R3HCC1L: variants seen among roughly 807,000 people sequenced by gnomAD.
R3HCC1L encodes the protein coiled-coil domain-containing protein R3HCC1L.
A neutral mutation model predicts 59.9 loss-of-function variants in R3HCC1L; 51 were observed. The ratio of observed to expected loss-of-function variants is 0.85; its 90% CI spans 0.68 to 1.07. R3HCC1L has a LOEUF of 1.07. R3HCC1L is among the 50% of genes least tolerant of loss of function. R3HCC1L has a pLI of 0.00. For missense variants in R3HCC1L, 965 were observed against 933.0 expected, an observed-to-expected ratio of 1.03 and a Z score of -0.45; for synonymous variants, 322 against 315.2, an observed-to-expected ratio of 1.02 and a Z score of -0.23.
chr10:98,140,861 T>TA (rs1345590666), intron 1 of R3HCC1L, among the ~76,000 whole-genome samples: 3 of 152,104 alleles, frequency 2.0e-5, no homozygotes, highest in Admixed American at 6.5e-5. Flanking sequence ...AACACATTTT[T>TA]AAAAAAATTA....
chr10:98,195,636 G>A (rs372936900), intron 4 of R3HCC1L, among the ~76,000 whole-genome samples: 1 of 151,766 alleles, frequency 6.6e-6, no homozygotes, highest in Non-Finnish European at 1.5e-5. Context: ...TTTCCTAAAA[G>A]TAGATTGTAC....
intron 4 of R3HCC1L, among the ~76,000 whole-genome samples, chr10:98,193,990 A>G (rs1248273960): frequency 1.3e-5 from 2 of 152,148 alleles, no homozygotes; most frequent in African/African-American, 4.8e-5. Flanking sequence ...CCATCCTAAA[A>G]TTCATATGGA....
intron 1 of R3HCC1L, among the ~76,000 whole-genome samples, chr10:98,147,628 G>C (rs968737549): frequency 1.8e-4 from 27 of 152,028 alleles, no homozygotes; most frequent in African/African-American, 6.5e-4. Flanking sequence ...TCTCAGTATA[G>C]TTATCCAGTT....
At chr10:98,219,968 G>GT (rs1157079063) in intron 5 of R3HCC1L, among the ~76,000 whole-genome samples, 1 of 152,054 alleles carries the variant, frequency 6.6e-6, no homozygotes, top group Admixed American at 6.6e-5. Context: ...CATTAAATAG[G>GT]TTTTTTGTGC....
At chr10:98,229,675 G>A (rs1227846310) in intron 5 of R3HCC1L, among the ~76,000 whole-genome samples, 2 of 152,178 alleles carry the variant, frequency 1.3e-5, no homozygotes, top group Non-Finnish European at 2.9e-5. Context: ...CAAAGGGAAT[G>A]CTTCCAGTTT....
At chr10:98,227,413 G>A (rs754677791) in intron 5 of R3HCC1L, among the ~76,000 whole-genome samples, 9 of 151,918 alleles carry the variant, frequency 5.9e-5, no homozygotes, top group Admixed American at 2.6e-4. Flanking sequence ...TATATTCCTG[G>A]CATTGCAAGT....
chr10:98,231,458 T>G, intron 5 of R3HCC1L, 54 bp from the exon 6 acceptor site: 1 of 1,497,506 alleles, frequency 6.7e-7, no homozygotes, highest in Non-Finnish European at 9.2e-7. Context: ...GGAATATATT[T>G]TACAATAACC....
chr10:98,177,439 A>G (rs745356761), intron 4 of R3HCC1L, among the ~76,000 whole-genome samples: 1 of 152,218 alleles, frequency 6.6e-6, no homozygotes, highest in East Asian at 1.9e-4. Flanking sequence ...ATTGATGGAC[A>G]TTCGGGTTGG....
At chr10:98,185,615 G>C (rs1319893910) in intron 4 of R3HCC1L, among the ~76,000 whole-genome samples, 2 of 152,170 alleles carry the variant, frequency 1.3e-5, no homozygotes, top group South Asian at 2.1e-4. Flanking sequence ...AAGAGTTTGA[G>C]AATCTGAAAG....
intron 1 of R3HCC1L, among the ~76,000 whole-genome samples, chr10:98,148,257 ACTGAATTTATCAGTT>A (rs746424788): frequency 1.7e-4 from 26 of 152,068 alleles, no homozygotes; most frequent in Non-Finnish European, 2.5e-4. Context: ...CTACAACTTT[ACTGAATTTATCAGTT>A]CTAAGAATTT....
intron 9 of R3HCC1L, among the ~76,000 whole-genome samples, chr10:98,238,688 T>G (rs1857216306): frequency 1.3e-5 from 2 of 152,190 alleles, no homozygotes; most frequent in African/African-American, 4.8e-5. Context: ...ATGCTTCTTC[T>G]GTAATACTGT....
chr10:98,220,540 C>T (rs1590768725), intron 5 of R3HCC1L, among the ~76,000 whole-genome samples: 1 of 120,276 alleles, frequency 8.3e-6, no homozygotes, highest in South Asian at 3.4e-4. Context: ...CCCCCCACCC[C>T]ACAACAGTCC....
intron 4 of R3HCC1L, among the ~76,000 whole-genome samples, chr10:98,181,689 A>T (rs975471533): frequency 6.6e-6 from 1 of 152,102 alleles, no homozygotes; most frequent in Non-Finnish European, 1.5e-5. Context: ...ACATAGTCCC[A>T]TATTTCCTGG....
chr10:98,232,371 A>G (rs1422260502), intron 6 of R3HCC1L, among the ~76,000 whole-genome samples: 1 of 152,212 alleles, frequency 6.6e-6, no homozygotes, highest in Non-Finnish European at 1.5e-5. Context: ...ATTTAATTCC[A>G]TGGTGAAAAT....
intron 6 of R3HCC1L, among the ~76,000 whole-genome samples, chr10:98,233,957 A>G (rs553792659): frequency 2.0e-5 from 3 of 152,210 alleles, no homozygotes; most frequent in South Asian, 4.2e-4. Context: ...AAAAAATTGA[A>G]TAACATCTTC....
intron 4 of R3HCC1L, among the ~76,000 whole-genome samples, chr10:98,199,024 CA>C (rs1851757897): frequency 1.3e-5 from 2 of 150,734 alleles, no homozygotes; most frequent in Admixed American, 1.3e-4. Context: ...AACATATAAT[CA>C]GTATAAAAAT....
chr10:98,220,211 G>A (rs999768522), intron 5 of R3HCC1L, among the ~76,000 whole-genome samples: 5 of 151,906 alleles, frequency 3.3e-5, no homozygotes, highest in Middle Eastern at 6.8e-3. Context: ...GATTGATTTA[G>A]TTCTTCTTTA....
At chr10:98,184,575 A>G (rs7912566) in intron 4 of R3HCC1L, among the ~76,000 whole-genome samples, 145,739 of 152,302 alleles carry the variant, frequency 0.96, 70,039 homozygotes, top group East Asian at 1. Context: ...ATCACCTGAC[A>G]ATGCATTTCT....
chr10:98,209,633 A>C lies in R3HCC1L; in HGVS notation c.1519A>C (p.Ile507Leu), dbSNP rs74153524. The stretch of plus-strand genomic sequence containing the variant: ...AGTTCTTTCAGACAGTGCCGTGGGC[A>C]TTGACCTGGGTAGTACTGGTGATAC... ...TKVLSDSAVG[I>L]DLGSTGDTTE... Residue 507 changes from isoleucine (I) to leucine (L), a missense_variant, in exon 5 of 10, where the codon ATT becomes CTT. Transcript: ENST00000298999. 2,070 of 1,614,040 alleles carry C rather than the reference A, an allele frequency of 1.3e-3. 29 individuals are homozygous for C. In the African/African-American group the frequency reaches 0.025, roughly 19 times the overall value.
Sources: allele counts gnomAD v4.1 joint callset (sites outside exome capture counted in the v4.1 genomes callset), GRCh38; gene constraint gnomAD v4.1.1; transcripts MANE v1.5; gene names NCBI Gene and HGNC (gene_info 2026-07-23, HGNC 2026-07-21).